Variants in GPC5 observed in about 807,000 individuals in gnomAD.
GPC5 encodes glypican 5, also known as glypican-5.
Under a neutral mutation model 53.9 loss-of-function variants are expected in GPC5, and 47 were observed. The observed-to-expected ratio is 0.87, with a 90% confidence interval of 0.69 to 1.11. The LOEUF (loss-of-function observed/expected upper bound fraction) is 1.11, where lower values mean the gene tolerates loss of function less well. GPC5 is among the 50% of genes most tolerant of loss of function. The pLI is 0.00. For missense variants in GPC5, 748 were observed against 713.1 expected, an observed-to-expected ratio of 1.05 and a Z score of -0.56; for synonymous variants, 286 against 263.3, an observed-to-expected ratio of 1.09 and a Z score of -0.84.
intron 7 of GPC5, among the ~76,000 whole-genome samples, chr13:92,222,985 A>G (rs1594011480): frequency 6.6e-6 from 1 of 152,198 alleles, no homozygotes; most frequent in Non-Finnish European, 1.5e-5. Context: ...ATTGAAAAAT[A>G]TTTTATGGGG....
intron 7 of GPC5, among the ~76,000 whole-genome samples, chr13:92,200,764 T>C (rs991215349): frequency 3.9e-5 from 6 of 152,198 alleles, no homozygotes; most frequent in Admixed American, 6.5e-5. Flanking sequence ...AAGAATTAGG[T>C]ACAATGATTG....
At chr13:91,882,353 T>TA (rs2138951806) in intron 5 of GPC5, among the ~76,000 whole-genome samples, 1 of 152,220 alleles carries the variant, frequency 6.6e-6, no homozygotes, top group Non-Finnish European at 1.5e-5. Flanking sequence ...AATGCTCAAA[T>TA]TTTATACTTT....
At chr13:92,827,192 G>A (rs1877880227) in intron 7 of GPC5, among the ~76,000 whole-genome samples, 1 of 152,106 alleles carries the variant, frequency 6.6e-6, no homozygotes, top group African/African-American at 2.4e-5. Context: ...GACACAGGAG[G>A]AATGCAAAGA....
chr13:92,791,821 T>C (rs1438086122), intron 7 of GPC5, among the ~76,000 whole-genome samples: 1 of 152,134 alleles, frequency 6.6e-6, no homozygotes, highest in Non-Finnish European at 1.5e-5. Flanking sequence ...TACTACATTA[T>C]TATTTTTTTA....
At chr13:92,135,577 T>G (rs2138968321) in intron 6 of GPC5, among the ~76,000 whole-genome samples, 1 of 152,240 alleles carries the variant, frequency 6.6e-6, no homozygotes, top group Non-Finnish European at 1.5e-5. Flanking sequence ...ACATACAGGA[T>G]TTTCTTATGG....
At chr13:92,104,013 A>G (rs1249330547) in intron 6 of GPC5, among the ~76,000 whole-genome samples, 4 of 152,130 alleles carry the variant, frequency 2.6e-5, no homozygotes, top group African/African-American at 7.2e-5. Context: ...ATATTAAACC[A>G]TGATTACTGA....
chr13:92,406,702 T>A (rs924200079), intron 7 of GPC5, among the ~76,000 whole-genome samples: 30 of 152,186 alleles, frequency 2.0e-4, no homozygotes, highest in Admixed American at 1.8e-3. Context: ...CAGTCAATTG[T>A]GTGTTTTCTT....
At chr13:91,683,614 CCTGA>C (rs1186939635) in intron 2 of GPC5, among the ~76,000 whole-genome samples, 1 of 152,150 alleles carries the variant, frequency 6.6e-6, no homozygotes, top group African/African-American at 2.4e-5. Context: ...CATTTTATTA[CCTGA>C]CTCTTTCTCT....
Position 92,563,012 on chromosome 13 carries a change from A to G in GPC5, c.1562-303270A>G, listed in dbSNP as rs1411299279. Among the ~76,000 whole-genome samples the G allele has an allele frequency of 2.0e-5, 3 of 152,034 alleles. No individual in the cohort carries two copies. In the East Asian group the frequency reaches 5.8e-4, roughly 29 times the overall value. On this transcript the variant is annotated intron_variant, in intron 7 of 7. Transcript: ENST00000377067. ...ATAGTACTGTGTAACAGCAAGAAGA[A>G]GATAAAAGATCTCTAAATACCAAAT...
chr13:92,738,089 T>C (rs1888987678), intron 7 of GPC5, among the ~76,000 whole-genome samples: 1 of 151,996 alleles, frequency 6.6e-6, no homozygotes, highest in South Asian at 2.1e-4. Context: ...AAGTAGTCTC[T>C]TCCACTATTT....
chr13:92,264,894 GTGTGTGTGTGTGT>G (rs2042792544), intron 7 of GPC5, among the ~76,000 whole-genome samples: 1 of 144,294 alleles, frequency 6.9e-6, no homozygotes, highest in Non-Finnish European at 1.5e-5. Context: ...GTGTGTGTGT[GTGTGTGTGTGTGT>G]GTGTGTGTGT....
chr13:92,624,416 C>T (rs1360703906), intron 7 of GPC5, among the ~76,000 whole-genome samples: 1 of 152,148 alleles, frequency 6.6e-6, no homozygotes, highest in Non-Finnish European at 1.5e-5. Flanking sequence ...TCTAGGCAAA[C>T]CCTTTAATGG....
chr13:92,794,461 T>C (rs559520080), intron 7 of GPC5, among the ~76,000 whole-genome samples: 31 of 152,282 alleles, frequency 2.0e-4, no homozygotes, highest in African/African-American at 6.3e-4. Flanking sequence ...GCATTCCCTT[T>C]GAAATCCAGC....
At chr13:92,781,989 T>C (rs991555314) in intron 7 of GPC5, among the ~76,000 whole-genome samples, 1 of 151,680 alleles carries the variant, frequency 6.6e-6, no homozygotes, top group Non-Finnish European at 1.5e-5. Flanking sequence ...GGATTTAATA[T>C]ATTGTGAATG....
intron 7 of GPC5, among the ~76,000 whole-genome samples, chr13:92,230,444 C>A (rs1315386258): frequency 2.6e-5 from 4 of 152,044 alleles, no homozygotes; most frequent in African/African-American, 9.7e-5. Context: ...TTTAAATAAT[C>A]AACACTGAAA....
At chr13:92,560,042 G>A (rs1882644379) in intron 7 of GPC5, among the ~76,000 whole-genome samples, 5 of 151,462 alleles carry the variant, frequency 3.3e-5, no homozygotes, top group Admixed American at 3.3e-4. Context: ...GGGATTCCTG[G>A]CCTTTTTGTT....
At chr13:92,135,998 A>G (rs149015892) in intron 6 of GPC5, among the ~76,000 whole-genome samples, 11 of 152,324 alleles carry the variant, frequency 7.2e-5, no homozygotes, top group African/African-American at 2.2e-4. Flanking sequence ...AAAGTTTGGT[A>G]TAAGATTTGT....
intron 7 of GPC5, among the ~76,000 whole-genome samples, chr13:92,402,563 G>T (rs929275273): frequency 6.6e-6 from 1 of 152,140 alleles, no homozygotes; most frequent in Non-Finnish European, 1.5e-5. Flanking sequence ...CTGTGTTGGG[G>T]GATGGTTTCA....
chr13:91,813,180 T>C (rs999726109), intron 5 of GPC5, among the ~76,000 whole-genome samples: 2 of 152,218 alleles, frequency 1.3e-5, no homozygotes, highest in South Asian at 2.1e-4. Flanking sequence ...AGGGGCTTTT[T>C]TGACACATAT....
Sources: gnomAD v4.1 joint callset for allele counts (sites outside exome capture counted in the v4.1 genomes callset) on GRCh38, gnomAD v4.1.1 for gene constraint, MANE v1.5 for transcripts, NCBI Gene and HGNC (gene_info 2026-07-23, HGNC 2026-07-21) for gene names.